The following APMAP variants were observed in gnomAD, a reference collection of about 807,000 sequenced individuals.
The protein encoded by APMAP is adipocyte plasma membrane-associated protein.
APMAP carries 33 observed loss-of-function variants against 43.6 expected under a neutral mutation model. The observed-to-expected ratio is 0.76, with a 90% CI of 0.57 to 1.01. APMAP has a LOEUF of 1.01. APMAP is among the 50% of genes least tolerant of loss of function. APMAP has a pLI of 0.00. For missense variants in APMAP, 498 were observed against 540.7 expected (o/e 0.92, Z 0.78); for synonymous variants, 224 against 216.7 (o/e 1.03, Z -0.30).
At position 24,963,513 on chromosome 20, in the gene APMAP, C is replaced by T; in HGVS notation, c.*300G>A. 2.6e-6 allele frequency: 1 copy of T among 390,290 alleles called. No individual in the cohort carries two copies. The highest frequency in any genetic ancestry group is 7.6e-4 in the Middle Eastern group (1 of 1,314). The allele number at this position is 390,290 out of a possible 1,614,324, so 24.2% of individuals were successfully genotyped here. A position where few individuals can be genotyped will look rare whatever the true frequency, so the allele number is the denominator to read the frequency against. ...CCTGTTCCAAGTGCAAGGAGCTTCC[C>T]AAATCCTAGAGAATGACTGTACTTA... On this transcript the variant is annotated 3_prime_UTR_variant, in exon 9 of 9. Coordinates refer to ENST00000217456, the MANE Select transcript of APMAP (RefSeq NM_020531.3).
At chr20:24,967,808 C>G (rs368232857) in intron 8 of APMAP, among the ~76,000 whole-genome samples, 9 of 152,224 alleles carry the variant, frequency 5.9e-5, no homozygotes, top group East Asian at 3.9e-4. Context: ...TTTGCCTCCC[C>G]CTAGGTCCCA....
rs2087987139 is a variant in APMAP at position 24,970,290 on chromosome 20, T to C, written c.620A>G (p.Gln207Arg). ...MSFVNDLTVT[Q>R]DGRKIYFTDS... ...GGTGAAATAAATCTTCCTCCCATCC[T>C]GAGTGACTGTAAGATCATTCACAAA... is the stretch of plus-strand genomic sequence containing the variant. The change falls in exon 6 of 9, where the codon CAG becomes CGG. Residue 207 changes from glutamine to arginine, a missense_variant. Transcript: ENST00000217456. The C allele has an allele frequency of 6.2e-7, 1 of 1,614,024 alleles. No homozygotes were observed. The highest frequency in any genetic ancestry group is 8.5e-7 in the Non-Finnish European group (1 of 1,180,030).
intron 8 of APMAP, among the ~76,000 whole-genome samples, chr20:24,967,047 A>G (rs1227657460): frequency 6.6e-6 from 1 of 152,154 alleles, no homozygotes; most frequent in Non-Finnish European, 1.5e-5. Flanking sequence ...TAATCCCAGA[A>G]CTTTGGGAGG....
At position 24,971,611 on chromosome 20, in the gene APMAP, T is replaced by C. The variant is rs375873615; in HGVS notation, c.422-35A>G. The C allele has an allele frequency of 7.1e-6, 11 of 1,543,806 alleles. No homozygotes were observed. The African/African-American group carries it at 1.2e-4, about 17-fold the overall frequency. Reference sequence around the variant, plus strand: ...CAAACAGATGGGGATTGGTAGCTGGTCCCGGATTCTACATGTGCTGTTCTC... The same window carrying C: ...CAAACAGATGGGGATTGGTAGCTGGCCCCGGATTCTACATGTGCTGTTCTC... On this transcript the variant is annotated intron_variant, in intron 4 of 8. Coordinates refer to ENST00000217456, the MANE Select transcript of APMAP (RefSeq NM_020531.3).
chr20:24,981,657 A>C (rs2088105593), intron 2 of APMAP, among the ~76,000 whole-genome samples: 1 of 152,186 alleles, frequency 6.6e-6, no homozygotes, highest in Non-Finnish European at 1.5e-5. Flanking sequence ...CCGATAGTAA[A>C]ATGTGTACTT....
intron 4 of APMAP, 148 bp downstream of exon 4, chr20:24,973,497 G>T: frequency 2.8e-6 from 2 of 726,672 alleles, no homozygotes; most frequent in Non-Finnish European, 4.4e-6. Flanking sequence ...CAAATGAAGA[G>T]CTCGTAGTGA....
At chr20:24,990,454 T>C (rs930359958) in intron 1 of APMAP, among the ~76,000 whole-genome samples, 5 of 152,342 alleles carry the variant, frequency 3.3e-5, no homozygotes, top group African/African-American at 9.6e-5. Flanking sequence ...ACCCACCTTT[T>C]GTGCCAAGAG....
intron 4 of APMAP, among the ~76,000 whole-genome samples, chr20:24,973,310 C>T (rs1172431929): frequency 6.6e-6 from 1 of 152,220 alleles, no homozygotes; most frequent in East Asian, 1.9e-4. Flanking sequence ...TTTTCCACAG[C>T]AGCACTGTGA....
intron 8 of APMAP, among the ~76,000 whole-genome samples, chr20:24,967,058 C>T (rs1327063701): frequency 6.6e-6 from 1 of 152,182 alleles, no homozygotes; most frequent in Non-Finnish European, 1.5e-5. Flanking sequence ...CTTTGGGAGG[C>T]TGAGACGGGT....
At chr20:24,971,687 C>T (rs1382844888) in intron 4 of APMAP, 111 bp from the exon 5 acceptor site, 1 of 888,268 alleles carries the variant, frequency 1.1e-6, no homozygotes, top group Non-Finnish European at 1.8e-6. Flanking sequence ...CTGTACAGAA[C>T]AAGACAAGAC....
At chr20:24,987,701 C>A (rs530602448) in intron 1 of APMAP, among the ~76,000 whole-genome samples, 2 of 152,082 alleles carry the variant, frequency 1.3e-5, no homozygotes, top group Non-Finnish European at 2.9e-5. Flanking sequence ...TACTGCAAAA[C>A]TGGCCATTAT....
At chr20:24,964,377 G>T in intron 8 of APMAP, 1 of 509,024 alleles carries the variant, frequency 2.0e-6, no homozygotes. Context: ...CCACTCACCA[G>T]ATCACAACCA....
Position 24,992,596 on chromosome 20 carries a change from G to A in APMAP, c.93C>T (p.Gly31=). The A allele has an allele frequency of 6.5e-7, 1 of 1,547,600 alleles. No individual in the cohort carries two copies. Residue 31 remains glycine (G), a splice_region_variant and synonymous_variant, in exon 1 of 9, where the codon GGC becomes GGT. Coordinates refer to ENST00000217456, the MANE Select transcript of APMAP (RefSeq NM_020531.3). ...CCCAGTCTGGGAGTCCGCCCTACCT[G>A]CCGTCCTTAGCCTCCGGGGCCTGGC... is the stretch of plus-strand genomic sequence containing the variant. The part of the protein sequence containing the change: ...DDGQAPEAKD[G]SSFSGRVFRV...
At chr20:24,976,961 A>G (rs755465017) in intron 3 of APMAP, among the ~76,000 whole-genome samples, 8 of 152,288 alleles carry the variant, frequency 5.3e-5, no homozygotes, top group Non-Finnish European at 7.3e-5. Context: ...GTCCAGCTAC[A>G]TAACATTCTG....
chr20:24,968,975 T>C lies in APMAP; in HGVS notation c.958A>G (p.Met320Val). ...CCAGGGTTAGGGCGGATGGTCGACATGCCCACCCAGTACCCCCCAGAGCTG... is the reference window on the plus strand; with the variant it reads ...CCAGGGTTAGGGCGGATGGTCGACACGCCCACCCAGTACCCCCCAGAGCTG... The part of the protein sequence containing the change: ...PSSSGGYWVG[M>V]STIRPNPGFS... The change falls in exon 8 of 9, where the codon ATG becomes GTG. Residue 320 changes from methionine to valine, a missense_variant. Physicochemically the swap from Met to Val is conservative, Grantham distance 21 (BLOSUM62 1). Coordinates refer to ENST00000217456, the MANE Select transcript of APMAP (RefSeq NM_020531.3). 1 of 1,614,040 alleles carries C rather than the reference T, an allele frequency of 6.2e-7. No individual in the cohort carries two copies. Among genetic ancestry groups the C allele is most frequent in the South Asian group, 1.1e-5 (1 of 91,070 alleles).
rs2087915050 is a variant in APMAP at position 24,963,526 on chromosome 20, A to T, written c.*287T>A. 1 of 418,676 alleles carries T rather than the reference A, an allele frequency of 2.4e-6. No individual in the cohort carries two copies. The highest frequency in any genetic ancestry group is 4.4e-6 in the Non-Finnish European group (1 of 227,304). The allele number at this position is 418,676 out of a possible 1,614,324, so 25.9% of individuals were successfully genotyped here. On this transcript the variant is annotated 3_prime_UTR_variant, in exon 9 of 9. Transcript: ENST00000217456. ...CAAGGAGCTTCCCAAATCCTAGAGA[A>T]TGACTGTACTTAGAAAGTTTTGTTT...
At chr20:24,986,239 C>T (rs944944663) in intron 1 of APMAP, among the ~76,000 whole-genome samples, 2 of 152,180 alleles carry the variant, frequency 1.3e-5, no homozygotes, top group African/African-American at 4.8e-5. Flanking sequence ...CTCCCCTTCA[C>T]TCATAAGGGG....
At chr20:24,986,009 G>C (rs996559758) in intron 1 of APMAP, among the ~76,000 whole-genome samples, 1 of 152,158 alleles carries the variant, frequency 6.6e-6, no homozygotes, top group African/African-American at 2.4e-5. Context: ...GAAAAGCAGA[G>C]CTTCTAAACA....
rs755768060 is a variant in APMAP, at chr20:24,992,644, C to A, written c.45G>T (p.Pro15=). The change falls in exon 1 of 9, where the codon CCG becomes CCT. Residue 15 remains proline (P), a synonymous_variant. Transcript: ENST00000217456. ...DGLRQRRPLR[P]QVVTDDDGQA... ...GGCCATCATCGTCTGTGACGACCTG[C>A]GGCCGCAGGGGCCGGCGCTGTCGCA... is the stretch of plus-strand genomic sequence containing the variant. 2 of 1,566,630 alleles carry A rather than the reference C, an allele frequency of 1.3e-6. No individual in the cohort carries two copies. The highest frequency in any genetic ancestry group is 8.6e-7 in the Non-Finnish European group (1 of 1,157,858).
Sources: allele counts gnomAD v4.1 joint callset (sites outside exome capture counted in the v4.1 genomes callset), GRCh38; gene constraint gnomAD v4.1.1; transcripts MANE v1.5; gene names NCBI Gene and HGNC (gene_info 2026-07-23, HGNC 2026-07-21).